MPND: variants seen among roughly 807,000 people sequenced by gnomAD.
MPND encodes MPN domain containing.
Under a neutral mutation model 59.2 loss-of-function variants are expected in MPND, and 56 were observed. The observed-to-expected ratio is 0.95, with a 90% confidence interval of 0.76 to 1.18. The LOEUF (loss-of-function observed/expected upper bound fraction) is 1.18, where lower values mean the gene tolerates loss of function less well. MPND is among the 50% of genes most tolerant of loss of function. MPND has a pLI of 0.00. For missense variants in MPND, 671 were observed against 676.0 expected (o/e 0.99, Z 0.08); for synonymous variants, 323 against 291.9 (o/e 1.11, Z -1.09).
In MPND at chr19:4,357,574, C is replaced by A. The variant is rs1255717671; in HGVS notation, c.1225C>A (p.Pro409Thr). Reference protein sequence around the residue: ...ESKISPFWVMPPPEQRPSDYG... With the variant: ...ESKISPFWVMTPPEQRPSDYG... The stretch of plus-strand genomic sequence containing the variant: ...CAAGATCTCACCTTTCTGGGTGATG[C>A]CTCCTCCCGAGGTAGGTGGGGCTGT... The change falls in exon 10 of 13, where the codon CCT becomes ACT. Residue 409 changes from proline to threonine, a missense_variant. Physicochemically the swap from Pro to Thr is conservative, Grantham distance 38. Transcript: ENST00000599840. 1 of 1,612,482 alleles carries A rather than the reference C, an allele frequency of 6.2e-7. No homozygotes were observed. Among genetic ancestry groups the A allele is most frequent in the Non-Finnish European group, 8.5e-7 (1 of 1,179,308 alleles).
chr19:4,358,148 G>A lies in MPND; in HGVS notation c.1302G>A (p.Leu434=). ...TGGCCTACGTCCAGGACAGCTTCCT[G>A]ACCAATGACATCCTTCACGAGATGG... is the stretch of plus-strand genomic sequence containing the variant. ...VEMAYVQDSF[L]TNDILHEMML... Residue 434 remains leucine (L), a synonymous_variant, in exon 11 of 13, where the codon CTG becomes CTA. Transcript: ENST00000599840. 6.4e-7 allele frequency: 1 copy of A among 1,551,436 alleles called. No homozygotes were observed. Among genetic ancestry groups the A allele is most frequent in the Non-Finnish European group, 8.7e-7 (1 of 1,146,952 alleles).
At position 4,357,425 on chromosome 19, in the gene MPND, C is replaced by T. The variant is rs750881812; in HGVS notation, c.1165+4C>T. 84 of 1,611,340 alleles carry T rather than the reference C, an allele frequency of 5.2e-5. No individual in the cohort carries two copies. Among genetic ancestry groups the T allele is most frequent in the Non-Finnish European group, 6.5e-5 (77 of 1,178,940 alleles). On this transcript the variant is annotated splice_donor_region_variant and intron_variant, in intron 9 of 12. Transcript: ENST00000599840. ...CCCTGCCTCGCCCTGCTCTGCTGTA[C>T]GCGGGATGGGGCTGTGGGGGGAGCA...
At chr19:4,358,022 C>T (rs991381898) in intron 10 of MPND, 61 bp from the exon 11 acceptor site, 3 of 1,404,576 alleles carry the variant, frequency 2.1e-6, no homozygotes, top group East Asian at 2.5e-5. Context: ...TGCCAATTGT[C>T]CCCAGCTGCC....
intron 3 of MPND, 58 bp from the exon 4 acceptor site, chr19:4,352,839 A>C: frequency 2.8e-5 from 34 of 1,228,776 alleles, no homozygotes; most frequent in South Asian, 7.5e-5. Context: ...TTTAGCAGGG[A>C]GCGGGGGGGC....
Position 4,360,032 on chromosome 19 carries a change from T to C in MPND, c.*30T>C. 6.5e-7 allele frequency: 1 copy of C among 1,536,534 alleles called. No individual in the cohort carries two copies. Among genetic ancestry groups the C allele is most frequent in the Non-Finnish European group, 8.8e-7 (1 of 1,134,056 alleles). On this transcript the variant is annotated 3_prime_UTR_variant, in exon 13 of 13. Coordinates refer to ENST00000599840, the MANE Select transcript of MPND (RefSeq NM_001300862.2). ...TCCAGGGCAGGGTGGGCTCCAGTTG[T>C]CTTGAGGGTCCGGATGGGCTCAGGT...
intron 8 of MPND, among the ~76,000 whole-genome samples, chr19:4,356,281 G>A (rs557158249): frequency 5.3e-5 from 8 of 152,150 alleles, no homozygotes; most frequent in South Asian, 2.1e-4. Context: ...TCCAGGCACC[G>A]GGGGTTCACA....
chr19:4,351,079 A>G (rs995204263), intron 3 of MPND, among the ~76,000 whole-genome samples: 2 of 152,120 alleles, frequency 1.3e-5, no homozygotes, highest in Non-Finnish European at 2.9e-5. Flanking sequence ...AGGGCAGTTT[A>G]GGACAGAACT....
chr19:4,357,721 G>A (rs1169714868), intron 10 of MPND, 136 bp downstream of exon 10: 12 of 828,586 alleles, frequency 1.4e-5, no homozygotes, highest in Middle Eastern at 3.6e-4. Flanking sequence ...AAATGGGGAC[G>A]TGACTGCTGC....
chr19:4,355,303 T>C (rs2041775), intron 8 of MPND, 130 bp downstream of exon 8: 470,596 of 824,842 alleles, frequency 0.57, 138,602 homozygotes, highest in East Asian at 0.74. Context: ...GTCTGTGTGC[T>C]TGGGACCCCA....
chr19:4,343,756 A>AGGAGGACGAGGACGAAGC lies in MPND; in HGVS notation c.62_79dup (p.Asp21_Glu26dup), dbSNP rs1228341975. On this transcript the variant is annotated inframe_insertion, in exon 2 of 13. Transcript: ENST00000599840. ...GGCGGTGCGGGCGAGGAGGCGCCGG[A>AGGAGGACGAGGACGAAGC]GGAGGACGAGGACGAAGCGGAGGCC... The AGGAGGACGAGGACGAAGC allele has an allele frequency of 4.1e-6, 5 of 1,206,258 alleles. No individual in the cohort carries two copies. Among genetic ancestry groups the AGGAGGACGAGGACGAAGC allele is most frequent in the Admixed American group, 4.4e-5 (1 of 22,564 alleles). 74.7% of individuals were successfully genotyped at this position (1,206,258 alleles called of 1,614,324 possible). A position where few individuals can be genotyped will look rare whatever the true frequency, so the allele number is the denominator to read the frequency against.
At chr19:4,359,485 G>C (rs906007018) in intron 12 of MPND, among the ~76,000 whole-genome samples, 2 of 152,132 alleles carry the variant, frequency 1.3e-5, no homozygotes, top group African/African-American at 2.4e-5. Context: ...CTGGCAGCGG[G>C]TTTTGGGAGT....
At position 4,352,907 on chromosome 19, in the gene MPND, G is replaced by A; in HGVS notation, c.542G>A (p.Ser181Asn). The A allele has an allele frequency of 1.4e-6, 2 of 1,388,550 alleles. No individual in the cohort carries two copies. Among genetic ancestry groups the A allele is most frequent in the Non-Finnish European group, 1.9e-6 (2 of 1,062,476 alleles). 86.0% of individuals were successfully genotyped at this position (1,388,550 alleles called of 1,614,324 possible). A position where few individuals can be genotyped will look rare whatever the true frequency, so the allele number is the denominator to read the frequency against. The change falls in exon 4 of 13, where the codon AGT (serine) becomes AAT (asparagine). Residue 181 changes from serine (S) to asparagine (N), a missense_variant. By Grantham distance (46) the Ser-to-Asn change is conservative. Transcript: ENST00000599840. ...PATAADESPA[S>N]EGEEEELLME... ...CCCTAACCCCTGCAGAGCCCAGCCA[G>A]TGAAGGGGAGGAGGAGGAGTTGCTG...
rs758312935 is a variant in MPND at position 4,355,175 on chromosome 19, T to G, written c.996+2T>G. 2.5e-6 allele frequency: 4 copies of G among 1,611,432 alleles called. No homozygotes were observed. The highest frequency in any genetic ancestry group is 1.3e-5 in the African/African-American group (1 of 74,392). Reference sequence around the variant, plus strand: ...ACTGCAGCTGCCATCGAAGAGGAGGTGAGGGGCTACCTGGGAGGTGGCATT... The same window carrying G: ...ACTGCAGCTGCCATCGAAGAGGAGGGGAGGGGCTACCTGGGAGGTGGCATT... On this transcript the variant is annotated splice_donor_variant, in intron 8 of 12. Coordinates refer to ENST00000599840, the MANE Select transcript of MPND (RefSeq NM_001300862.2). LOFTEE classifies it high-confidence loss of function.
intron 11 of MPND, chr19:4,358,432 C>G: frequency 2.0e-6 from 1 of 495,300 alleles, no homozygotes; most frequent in Admixed American, 3.6e-5. Context: ...TAGAGAAACC[C>G]CAGGGACTTT....
Position 4,345,759 on chromosome 19 carries a change from G to A in MPND, c.309G>A (p.Leu103=). 3 of 1,613,814 alleles carry A rather than the reference G, an allele frequency of 1.9e-6. No individual in the cohort carries two copies. Among genetic ancestry groups the A allele is most frequent in the Non-Finnish European group, 2.5e-6 (3 of 1,179,916 alleles). The change falls in exon 3 of 13, where the codon CTG becomes CTA. Residue 103 remains leucine (L), a synonymous_variant. Coordinates refer to ENST00000599840, the MANE Select transcript of MPND (RefSeq NM_001300862.2). The part of the protein sequence containing the change: ...LSIYYLGKKF[L]GDLQPDGRIM... ...TGTCACTGCAGGGGAAGAAGTTCCTGGGCGACCTGCAGCCAGACGGAAGGA... is the reference window on the plus strand; with the variant it reads ...TGTCACTGCAGGGGAAGAAGTTCCTAGGCGACCTGCAGCCAGACGGAAGGA...
intron 8 of MPND, chr19:4,356,829 G>C (rs970016101): frequency 6.4e-6 from 1 of 155,148 alleles, no homozygotes; most frequent in African/African-American, 2.4e-5. Flanking sequence ...AGTAGAGAAG[G>C]GGGTTTCTCC....
rs1972458028 is a variant in MPND, at chr19:4,357,267, G to A, written c.1011G>A (p.Leu337=). 2.5e-6 allele frequency: 4 copies of A among 1,606,258 alleles called. No individual in the cohort carries two copies. In the South Asian group the frequency reaches 4.4e-5, roughly 18 times the overall value. ...TCTGTCCCCAGATCTACCAGAGCCT[G>A]TTCCTGCGGGGCCTGTCCCTGGTGG... ...AAIEEEIYQS[L]FLRGLSLVGW... is the part of the protein sequence containing the mutation. The change falls in exon 9 of 13, where the codon CTG becomes CTA. Residue 337 remains leucine, a synonymous_variant. Coordinates refer to ENST00000599840, the MANE Select transcript of MPND (RefSeq NM_001300862.2).
chr19:4,354,859 G>A, intron 6 of MPND, 90 bp from the exon 7 acceptor site: 1 of 1,333,076 alleles, frequency 7.5e-7, no homozygotes, highest in Non-Finnish European at 1.0e-6. Flanking sequence ...GCAAGACTGA[G>A]TCTCAAAGAG....
chr19:4,343,865 C>T lies in MPND; in HGVS notation c.165C>T (p.Gly55=). ...GGSSVSGGGG[G]GGAGAGGCGG... is the part of the protein sequence containing the mutation. Reference sequence around the variant, plus strand: ...GTAGCGTCAGCGGAGGAGGCGGCGGCGGCGGGGCCGGGGCGGGGGGCTGCG... The same window carrying T: ...GTAGCGTCAGCGGAGGAGGCGGCGGTGGCGGGGCCGGGGCGGGGGGCTGCG... Residue 55 remains glycine, a synonymous_variant, in exon 2 of 13, where the codon GGC becomes GGT. Transcript: ENST00000599840. The T allele has an allele frequency of 2.6e-6, 3 of 1,155,476 alleles. No individual in the cohort carries two copies. The highest frequency in any genetic ancestry group is 3.2e-6 in the Non-Finnish European group (3 of 940,056). 71.6% of individuals were successfully genotyped at this position (1,155,476 alleles called of 1,614,324 possible).
Sources: gnomAD v4.1 joint callset for allele counts (sites outside exome capture counted in the v4.1 genomes callset) on GRCh38, gnomAD v4.1.1 for gene constraint, MANE v1.5 for transcripts, NCBI Gene and HGNC (gene_info 2026-07-23, HGNC 2026-07-21) for gene names.